LIMK1: variants seen among roughly 807,000 people sequenced by gnomAD.
LIMK1 encodes LIM motif-containing protein kinase.
In LIMK1, 21 loss-of-function variants were observed where a neutral mutation model predicts 77.6. The ratio of observed to expected loss-of-function variants is 0.27; its 90% CI spans 0.19 to 0.39. LIMK1 has a LOEUF of 0.39. Among genes scored for constraint, LIMK1 ranks in the 10% least tolerant of loss-of-function variants. LIMK1 has a pLI of 1.00. For missense variants in LIMK1, 696 were observed against 901.6 expected (o/e 0.77, Z 2.92); for synonymous variants, 358 against 370.0 (o/e 0.97, Z 0.37).
intron 9 of LIMK1, 110 bp downstream of exon 9, chr7:74,108,067 G>A (rs760023445): frequency 5.6e-5 from 44 of 784,200 alleles, no homozygotes; most frequent in Middle Eastern, 6.0e-4. Context: ...AGAAGAGCGA[G>A]CAGGCCAGGC....
intron 2 of LIMK1, among the ~76,000 whole-genome samples, chr7:74,092,154 C>T (rs1473997119): frequency 1.3e-5 from 2 of 151,686 alleles, no homozygotes; most frequent in African/African-American, 2.4e-5. Context: ...TTAATAGAGA[C>T]GGGGTTTCAC....
chr7:74,086,428 C>T (rs936638969), intron 2 of LIMK1, among the ~76,000 whole-genome samples: 4 of 151,736 alleles, frequency 2.6e-5, no homozygotes, highest in East Asian at 3.9e-4. Flanking sequence ...GGTGCCATCT[C>T]GGCTCATTGC....
At chr7:74,097,394 G>A (rs1381067940) in intron 4 of LIMK1, among the ~76,000 whole-genome samples, 3 of 152,210 alleles carry the variant, frequency 2.0e-5, no homozygotes, top group Non-Finnish European at 4.4e-5. Context: ...AGCCTCAGAC[G>A]GCCAGGCATG....
chr7:74,111,192 A>T (rs1799690826), intron 10 of LIMK1: 1 of 165,232 alleles, frequency 6.1e-6, no homozygotes, highest in East Asian at 1.7e-4. Context: ...TAATCCCAAC[A>T]CTGGGAGGCC....
intron 5 of LIMK1, among the ~76,000 whole-genome samples, chr7:74,102,811 A>C (rs1799493308): frequency 6.7e-6 from 1 of 150,286 alleles, no homozygotes; most frequent in Non-Finnish European, 1.5e-5. Context: ...TCTCCCCCTC[A>C]TCCACAGTCC....
intron 10 of LIMK1, chr7:74,110,918 T>G (rs1799685842): frequency 6.6e-6 from 1 of 152,240 alleles, no homozygotes; most frequent in African/African-American, 2.4e-5. Context: ...TGCTTAGAGT[T>G]TGAAATCAGT....
At chr7:74,112,061 C>T (rs1799710964) in intron 12 of LIMK1, 63 bp downstream of exon 12, 1 of 1,309,712 alleles carries the variant, frequency 7.6e-7, no homozygotes, top group Non-Finnish European at 1.1e-6. Context: ...CCAACCCCAG[C>T]CTCAGGGCCT....
chr7:74,118,852 T>C (rs1007075422), intron 13 of LIMK1, among the ~76,000 whole-genome samples: 16 of 152,186 alleles, frequency 1.1e-4, no homozygotes, highest in Non-Finnish European at 2.1e-4. Context: ...TAAATGAGAA[T>C]TGACATTTAG....
chr7:74,085,256 G>C (rs1799113910), intron 1 of LIMK1, among the ~76,000 whole-genome samples: 2 of 152,186 alleles, frequency 1.3e-5, no homozygotes, highest in African/African-American at 2.4e-5. Context: ...TGTTAGGGCC[G>C]GCACCTCCAG....
chr7:74,113,154 C>G (rs1554698898), intron 12 of LIMK1, among the ~76,000 whole-genome samples: 1 of 152,066 alleles, frequency 6.6e-6, no homozygotes, highest in East Asian at 1.9e-4. Flanking sequence ...AAGCCCATCT[C>G]TGCCAAAAAT....
At chr7:74,085,720 G>A in intron 1 of LIMK1, 28 bp from the exon 2 acceptor site, 9 of 1,540,268 alleles carry the variant, frequency 5.8e-6, no homozygotes, top group Admixed American at 2.0e-5. Context: ...TCCTGAGAAT[G>A]CTTCCCAACT....
chr7:74,120,777 C>T, intron 14 of LIMK1, 115 bp from the exon 15 acceptor site: 1 of 1,540,866 alleles, frequency 6.5e-7, no homozygotes, highest in South Asian at 1.1e-5. Context: ...CCATGGGGTA[C>T]TGCAGTCAGG....
chr7:74,097,922 G>A (rs1799369151), intron 4 of LIMK1, among the ~76,000 whole-genome samples: 1 of 152,174 alleles, frequency 6.6e-6, no homozygotes. Context: ...CAGACTCACA[G>A]AACTCAGGAA....
intron 13 of LIMK1, 51 bp downstream of exon 13, chr7:74,116,009 A>G: frequency 6.4e-7 from 1 of 1,572,484 alleles, no homozygotes; most frequent in Non-Finnish European, 8.7e-7. Flanking sequence ...GCCATGGGGG[A>G]GCCCAGGAGA....
At chr7:74,102,484 C>CTCTTTTTTTTTTTTTTTTTTTTT (rs1554696729) in intron 5 of LIMK1, among the ~76,000 whole-genome samples, 7 of 54,068 alleles carry the variant, frequency 1.3e-4, no homozygotes, top group Middle Eastern at 0.02. Context: ...AGGACCTTCT[C>CTCTTTTTTTTTTTTTTTTTTTTT]TTTTTTTTTT....
In LIMK1 at chr7:74,121,719, T is replaced by C. The variant is rs1554700689; in HGVS notation, c.*418T>C. On this transcript the variant is annotated 3_prime_UTR_variant, in exon 16 of 16. Transcript: ENST00000336180. ...AACCATGCCCCATATAACGCTTGGG[T>C]GCGTGGGAGGGCGCACATCAGGGCA... 5.8e-6 allele frequency: 1 copy of C among 171,870 alleles called. No homozygotes were observed. The highest frequency in any genetic ancestry group is 6.2e-5 in the Admixed American group (1 of 16,170). 10.6% of individuals were successfully genotyped at this position (171,870 alleles called of 1,614,324 possible).
In LIMK1 at chr7:74,111,636, T is replaced by A. The variant is rs1554698642; in HGVS notation, c.1285-12T>A. The stretch of plus-strand genomic sequence containing the variant: ...CACCGGCCCCACCCTGGCCATTCTT[T>A]CTCCATCCCAGGACAGCCAGTACCC... On this transcript the variant is annotated splice_polypyrimidine_tract_variant and intron_variant, in intron 10 of 15. Transcript: ENST00000336180. 2 of 1,610,616 alleles carry A rather than the reference T, an allele frequency of 1.2e-6. No individual in the cohort carries two copies. The highest frequency in any genetic ancestry group is 1.1e-5 in the South Asian group (1 of 90,354).
chr7:74,094,481 C>A lies in LIMK1; in HGVS notation c.153-2141C>A, dbSNP rs1554695266. 2.7e-5 allele frequency: 4 copies of A among 150,720 alleles called. No individual in the cohort carries two copies. In the East Asian group the frequency reaches 7.9e-4, roughly 30 times the overall value. The allele number at this position is 150,720 out of a possible 1,614,324, so 9.3% of individuals were successfully genotyped here. ...CGCCCACTGCAGAGGTATGCGGGGG[C>A]CCTGCTTCCTGCAGGCAGGAGTGAG... On this transcript the variant is annotated intron_variant, in intron 2 of 15. Coordinates refer to ENST00000336180, the MANE Select transcript of LIMK1 (RefSeq NM_002314.4).
chr7:74,097,030 G>T (rs1799349522), intron 3 of LIMK1, 50 bp from the exon 4 acceptor site: 3 of 1,409,824 alleles, frequency 2.1e-6, no homozygotes, highest in Non-Finnish European at 3.0e-6. Context: ...GATCTGTGGG[G>T]GTTGTTGGGT....
Sources: gnomAD v4.1 joint callset for allele counts (sites outside exome capture counted in the v4.1 genomes callset) on GRCh38, gnomAD v4.1.1 for gene constraint, MANE v1.5 for transcripts, NCBI Gene and HGNC (gene_info 2026-07-23, HGNC 2026-07-21) for gene names.